Variants in KCNMB2 observed in about 807,000 individuals in gnomAD.
KCNMB2 encodes potassium calcium-activated channel subfamily M regulatory beta subunit 2, also known as calcium-activated potassium channel subunit beta-2.
A neutral mutation model predicts 24.5 loss-of-function variants in KCNMB2; 9 were observed. The observed-to-expected ratio is 0.37, with a 90% confidence interval of 0.22 to 0.64. The LOEUF is 0.64. KCNMB2 is among the 30% of genes least tolerant of loss of function. The pLI, the probability that KCNMB2 is intolerant of heterozygous loss-of-function variation, is 0.63. For synonymous variants in KCNMB2, 109 were observed against 104.4 expected (o/e 1.04, Z -0.27); for missense variants, 226 against 284.3 (o/e 0.79, Z 1.47).
intron 1 of KCNMB2, among the ~76,000 whole-genome samples, chr3:178,802,928 AT>A (rs955315408): frequency 2.6e-4 from 40 of 152,250 alleles, no homozygotes; most frequent in Admixed American, 6.5e-4. Flanking sequence ...ACTTAATCGA[AT>A]TTTTTTACAA....
chr3:178,764,565 C>T (rs1011278992), intron 1 of KCNMB2, among the ~76,000 whole-genome samples: 10 of 152,154 alleles, frequency 6.6e-5, no homozygotes, highest in African/African-American at 1.9e-4. Context: ...ATACATTCTA[C>T]GTTACTCACA....
chr3:178,568,817 AATAG>A (rs1403502661), intron 1 of KCNMB2, among the ~76,000 whole-genome samples: 32 of 49,870 alleles, frequency 6.4e-4, no homozygotes, highest in South Asian at 1.2e-3. Context: ...ATAGATAGAT[AATAG>A]ATAGATAGAT....
intron 1 of KCNMB2, among the ~76,000 whole-genome samples, chr3:178,552,586 T>A (rs1400460671): frequency 1.3e-5 from 2 of 152,238 alleles, no homozygotes; most frequent in Non-Finnish European, 2.9e-5. Context: ...TGCATGGGGC[T>A]GCTTTTCTAT....
At chr3:178,669,744 A>G (rs902891563) in intron 1 of KCNMB2, among the ~76,000 whole-genome samples, 1 of 152,102 alleles carries the variant, frequency 6.6e-6, no homozygotes, top group Non-Finnish European at 1.5e-5. Context: ...AGGCTCTGGG[A>G]GCCAGCAGTA....
chr3:178,836,686 CAT>C (rs1321605280), intron 4 of KCNMB2, among the ~76,000 whole-genome samples: 1 of 151,992 alleles, frequency 6.6e-6, no homozygotes, highest in African/African-American at 2.4e-5. Context: ...AAAATATTAA[CAT>C]ATTTTTTATC....
intron 1 of KCNMB2, among the ~76,000 whole-genome samples, chr3:178,539,746 T>C (rs554989987): frequency 3.3e-5 from 5 of 151,986 alleles, no homozygotes; most frequent in Non-Finnish European, 7.4e-5. Context: ...TGTGCGTGTG[T>C]GTGTGTTGAG....
chr3:178,674,423 G>A (rs1263306399), intron 1 of KCNMB2, among the ~76,000 whole-genome samples: 1 of 151,964 alleles, frequency 6.6e-6, no homozygotes, highest in Admixed American at 6.6e-5. Flanking sequence ...ACCATTAATG[G>A]TAACTTAGTT....
In KCNMB2 at chr3:178,778,501, C is replaced by CA. The variant is rs1553777067; in HGVS notation, c.-67-28841dup. Among the ~76,000 whole-genome samples the CA allele has an allele frequency of 6.9e-4, 99 of 143,190 alleles. 1 individual carries two copies. The highest frequency in any genetic ancestry group is 1.4e-3 in the Admixed American group (20 of 14,416). 93.9% of individuals were successfully genotyped at this position (143,190 alleles called of 152,430 possible). The stretch of plus-strand genomic sequence containing the variant: ...ACACACACACACACACACACACACA[C>CA]ACCTGTTCCAGGCTCACTCCCTGCA... On this transcript the variant is annotated intron_variant, in intron 1 of 4. Coordinates refer to ENST00000452583, the MANE Select transcript of KCNMB2 (RefSeq NM_181361.3).
At chr3:178,762,419 A>C (rs770964432) in intron 1 of KCNMB2, among the ~76,000 whole-genome samples, 6 of 152,214 alleles carry the variant, frequency 3.9e-5, no homozygotes, top group Non-Finnish European at 8.8e-5. Context: ...TAAGAAAAGG[A>C]GTACAACACA....
chr3:178,830,075 A>G (rs750899395), intron 4 of KCNMB2, among the ~76,000 whole-genome samples: 2 of 152,114 alleles, frequency 1.3e-5, no homozygotes, highest in Admixed American at 6.6e-5. Flanking sequence ...GCCTCCACCA[A>G]AGACAACTAT....
chr3:178,829,261 C>A (rs545382225), intron 4 of KCNMB2, among the ~76,000 whole-genome samples: 1 of 151,952 alleles, frequency 6.6e-6, no homozygotes, highest in African/African-American at 2.4e-5. Context: ...CAGGATAAAC[C>A]CTTCTGACCT....
At chr3:178,774,757 C>T (rs1024519610) in intron 1 of KCNMB2, among the ~76,000 whole-genome samples, 1 of 152,198 alleles carries the variant, frequency 6.6e-6, no homozygotes, top group African/African-American at 2.4e-5. Context: ...CCTTCTTTCC[C>T]CCTTTGTAAT....
chr3:178,546,374 A>G (rs998189744), intron 1 of KCNMB2, among the ~76,000 whole-genome samples: 3 of 152,220 alleles, frequency 2.0e-5, no homozygotes, highest in African/African-American at 4.8e-5. Flanking sequence ...CTTTTTTCAT[A>G]TAAGCATATA....
intron 1 of KCNMB2, among the ~76,000 whole-genome samples, chr3:178,551,525 A>G (rs562280839): frequency 1.5e-4 from 23 of 152,276 alleles, no homozygotes; most frequent in Admixed American, 4.6e-4. Flanking sequence ...GCATTTTCAG[A>G]GAGGATTTGG....
chr3:178,649,395 T>C (rs1012187402), intron 1 of KCNMB2, among the ~76,000 whole-genome samples: 7 of 152,114 alleles, frequency 4.6e-5, no homozygotes, highest in Non-Finnish European at 1.0e-4. Context: ...GAGGTAGGGA[T>C]CCAGCTTTAT....
chr3:178,807,277 G>T (rs1714007457), intron 1 of KCNMB2, 66 bp from the exon 2 acceptor site: 3 of 629,812 alleles, frequency 4.8e-6, no homozygotes. Flanking sequence ...AAACCCTGTT[G>T]TTATGTAAGA....
chr3:178,778,750 C>T (rs781176684), intron 1 of KCNMB2, among the ~76,000 whole-genome samples: 2 of 152,204 alleles, frequency 1.3e-5, no homozygotes, highest in Non-Finnish European at 2.9e-5. Flanking sequence ...GTAGCACCAA[C>T]ACCCTCCAAC....
At chr3:178,586,036 T>C (rs1043560187) in intron 1 of KCNMB2, among the ~76,000 whole-genome samples, 9 of 152,116 alleles carry the variant, frequency 5.9e-5, no homozygotes, top group East Asian at 5.8e-4. Context: ...CTTAGTAAGA[T>C]TGTAAGGTGC....
intron 1 of KCNMB2, among the ~76,000 whole-genome samples, chr3:178,605,923 T>C (rs183831531): frequency 5.1e-4 from 77 of 152,260 alleles, no homozygotes; most frequent in Admixed American, 8.5e-4. Flanking sequence ...ACTTAAAGAT[T>C]TGGAAAATTT....
Sources: gnomAD v4.1 joint callset for allele counts (sites outside exome capture counted in the v4.1 genomes callset) on GRCh38, gnomAD v4.1.1 for gene constraint, MANE v1.5 for transcripts, NCBI Gene and HGNC (gene_info 2026-07-23, HGNC 2026-07-21) for gene names.